The following RABGAP1L variants were observed in gnomAD, a reference collection of about 807,000 sequenced individuals.
RABGAP1L encodes rab GTPase-activating protein 1-like.
A neutral mutation model predicts 137.7 loss-of-function variants in RABGAP1L; 63 were observed. That is an observed-to-expected ratio of 0.46 (90% confidence interval 0.37 to 0.56). The LOEUF is 0.56. Ranked by LOEUF, RABGAP1L falls within the 20% of genes least tolerant of loss-of-function variation. The pLI, the probability that RABGAP1L is intolerant of heterozygous loss-of-function variation, is 0.00. For synonymous variants in RABGAP1L, 431 were observed against 433.7 expected (o/e 0.99, Z 0.08); for missense variants, 1,095 against 1,244.0 (o/e 0.88, Z 1.80).
intron 14 of RABGAP1L, among the ~76,000 whole-genome samples, chr1:174,645,671 A>G (rs993297233): frequency 6.6e-6 from 1 of 152,166 alleles, no homozygotes; most frequent in African/African-American, 2.4e-5. Flanking sequence ...TAGTGCTGCA[A>G]TAAACATATG....
chr1:174,651,997 C>T (rs983468160), intron 14 of RABGAP1L, among the ~76,000 whole-genome samples: 13 of 152,128 alleles, frequency 8.5e-5, no homozygotes, highest in East Asian at 1.9e-4. Context: ...CCATGTTTAG[C>T]GCTTCCTTCA....
At chr1:174,525,343 G>C (rs931946006) in intron 13 of RABGAP1L, among the ~76,000 whole-genome samples, 44 of 151,882 alleles carry the variant, frequency 2.9e-4, no homozygotes, top group African/African-American at 1.1e-3. Context: ...GCTTTTTTTG[G>C]TAGAGATTTT....
At chr1:174,484,146 A>G (rs1368855478) in intron 13 of RABGAP1L, among the ~76,000 whole-genome samples, 1 of 152,162 alleles carries the variant, frequency 6.6e-6, no homozygotes, top group Non-Finnish European at 1.5e-5. Context: ...CATTTCTCTG[A>G]TGATCAGTGA....
Position 174,560,390 on chromosome 1 carries a change from T to C in RABGAP1L, c.1711-76985T>C, listed in dbSNP as rs914818359. ...ACTGGTGGGTGCCCCATCCTATGAG[T>C]TAAGAATTTAAGAACTGTGAATAGA... On this transcript the variant is annotated intron_variant, in intron 13 of 25. Coordinates refer to ENST00000681986, the MANE Select transcript of RABGAP1L (RefSeq NM_001366446.1). 2.0e-5 allele frequency among the ~76,000 whole-genome samples: 3 copies of C among 152,004 alleles called. No homozygotes were observed. The East Asian group carries it at 5.8e-4, about 29-fold the overall frequency.
chr1:174,231,927 A>G (rs1670693060), intron 4 of RABGAP1L, among the ~76,000 whole-genome samples: 2 of 152,226 alleles, frequency 1.3e-5, no homozygotes, highest in South Asian at 4.1e-4. Flanking sequence ...TTACAATTTG[A>G]CATGAGATTT....
chr1:174,409,446 T>C (rs954029026), intron 13 of RABGAP1L, among the ~76,000 whole-genome samples: 6 of 152,144 alleles, frequency 3.9e-5, no homozygotes, highest in Non-Finnish European at 7.3e-5. Context: ...ACTGTACAAA[T>C]TGATTGTAAA....
At chr1:174,419,519 T>G (rs1317224238) in intron 13 of RABGAP1L, among the ~76,000 whole-genome samples, 1 of 152,252 alleles carries the variant, frequency 6.6e-6, no homozygotes, top group African/African-American at 2.4e-5. Flanking sequence ...CTATTTTCTT[T>G]AAAACAGTTT....
chr1:174,544,215 G>T (rs563863332), intron 13 of RABGAP1L, among the ~76,000 whole-genome samples: 7 of 152,230 alleles, frequency 4.6e-5, no homozygotes, highest in African/African-American at 1.7e-4. Context: ...CATTCTCCTT[G>T]TCACTTTCAG....
chr1:174,569,139 T>C (rs561375579), intron 13 of RABGAP1L, among the ~76,000 whole-genome samples: 2 of 152,302 alleles, frequency 1.3e-5, no homozygotes, highest in African/African-American at 4.8e-5. Context: ...TCTCACCTTT[T>C]CCCCATACTA....
intron 6 of RABGAP1L, among the ~76,000 whole-genome samples, chr1:174,251,396 C>T (rs1467783405): frequency 6.6e-6 from 1 of 151,224 alleles, no homozygotes; most frequent in Non-Finnish European, 1.5e-5. Flanking sequence ...ATGTTTTCCT[C>T]CAGTTCAGAT....
chr1:174,600,360 A>G (rs1670317017), intron 13 of RABGAP1L, among the ~76,000 whole-genome samples: 2 of 152,112 alleles, frequency 1.3e-5, no homozygotes, highest in Admixed American at 1.3e-4. Flanking sequence ...TTCAGTACCA[A>G]TCATGCCTTC....
intron 13 of RABGAP1L, among the ~76,000 whole-genome samples, chr1:174,486,978 T>C (rs1659735625): frequency 6.6e-6 from 1 of 152,238 alleles, no homozygotes; most frequent in African/African-American, 2.4e-5. Flanking sequence ...TATTCCATTG[T>C]GGTTAGACAC....
intron 15 of RABGAP1L, among the ~76,000 whole-genome samples, chr1:174,687,497 G>A (rs1678564088): frequency 6.6e-6 from 1 of 152,134 alleles, no homozygotes; most frequent in Admixed American, 6.5e-5. Flanking sequence ...CTGTTAATTA[G>A]CATATTCCAT....
chr1:174,961,682 TA>T (rs1005076419), intron 20 of RABGAP1L, among the ~76,000 whole-genome samples: 1 of 149,714 alleles, frequency 6.7e-6, no homozygotes, highest in African/African-American at 2.5e-5. Context: ...CTGCTTCTAC[TA>T]AAAAATATAA....
chr1:174,423,843 A>G (rs1274705491), intron 13 of RABGAP1L, among the ~76,000 whole-genome samples: 2 of 152,136 alleles, frequency 1.3e-5, no homozygotes, highest in African/African-American at 4.8e-5. Context: ...CAGAAGATAG[A>G]TTTAATGTTC....
At chr1:174,502,587 T>A (rs1028338713) in intron 13 of RABGAP1L, among the ~76,000 whole-genome samples, 3 of 147,538 alleles carry the variant, frequency 2.0e-5, no homozygotes, top group African/African-American at 7.5e-5. Context: ...TATATATATA[T>A]ATATATATAT....
rs546074059 is a variant in RABGAP1L, at chr1:174,866,035, T to G, written c.2340+54075T>G. 1.2e-3 allele frequency among the ~76,000 whole-genome samples: 177 copies of G among 148,814 alleles called. 1 individual carries two copies. Among genetic ancestry groups the G allele is most frequent in the Middle Eastern group, 6.9e-3 (2 of 290 alleles). ...CAAAGACAATATCTGCCAAATAGTTTAGGACAAAAATGATTTTTAAGAGAT... is the reference window on the plus strand; with the variant it reads ...CAAAGACAATATCTGCCAAATAGTTGAGGACAAAAATGATTTTTAAGAGAT... On this transcript the variant is annotated intron_variant, in intron 19 of 25. Transcript: ENST00000681986.
At chr1:174,458,438 T>A (rs1656290507) in intron 13 of RABGAP1L, among the ~76,000 whole-genome samples, 1 of 152,018 alleles carries the variant, frequency 6.6e-6, no homozygotes, top group African/African-American at 2.4e-5. Flanking sequence ...TGCTTTTATG[T>A]TTGCTAAAGG....
At chr1:174,501,945 C>T (rs965131659) in intron 13 of RABGAP1L, among the ~76,000 whole-genome samples, 2 of 151,356 alleles carry the variant, frequency 1.3e-5, no homozygotes, top group Non-Finnish European at 2.9e-5. Flanking sequence ...TAGAGCTGAC[C>T]TAGGTTTACG....
Sources: allele counts gnomAD v4.1 joint callset (sites outside exome capture counted in the v4.1 genomes callset), GRCh38; gene constraint gnomAD v4.1.1; transcripts MANE v1.5; gene names NCBI Gene and HGNC (gene_info 2026-07-23, HGNC 2026-07-21).